PHF14: variants seen among roughly 807,000 people sequenced by gnomAD.
The protein encoded by PHF14 is PHD finger protein 14.
In PHF14, 55 loss-of-function variants were observed where a neutral mutation model predicts 117.9. The observed-to-expected ratio is 0.47, with a 90% confidence interval of 0.38 to 0.58. The LOEUF is 0.58. PHF14 is among the 20% of genes least tolerant of loss of function. The pLI is 0.00. For synonymous variants in PHF14, 409 were observed against 368.6 expected (o/e 1.11, Z -1.26); for missense variants, 978 against 1,122.2 (o/e 0.87, Z 1.84).
At chr7:11,168,168 A>G (rs1433242196) in intron 17 of PHF14, among the ~76,000 whole-genome samples, 1 of 152,216 alleles carries the variant, frequency 6.6e-6, no homozygotes, top group Non-Finnish European at 1.5e-5. Flanking sequence ...AACAGTGGCT[A>G]TCATACTTGG....
intron 13 of PHF14, among the ~76,000 whole-genome samples, chr7:11,048,685 T>A (rs1784755078): frequency 6.6e-6 from 1 of 152,238 alleles, no homozygotes; most frequent in Non-Finnish European, 1.5e-5. Flanking sequence ...GAAACATTTT[T>A]TACATATCTT....
chr7:10,988,447 C>T (rs1486883907), intron 3 of PHF14, among the ~76,000 whole-genome samples: 1 of 151,706 alleles, frequency 6.6e-6, no homozygotes, highest in African/African-American at 2.4e-5. Context: ...ATTTTAATTC[C>T]ACCAGAGAAA....
intron 13 of PHF14, among the ~76,000 whole-genome samples, chr7:11,046,292 A>G (rs1583407916): frequency 6.6e-6 from 1 of 152,174 alleles, no homozygotes; most frequent in South Asian, 2.1e-4. Context: ...ATAGTTAATC[A>G]TCTCTTAATT....
intron 16 of PHF14, among the ~76,000 whole-genome samples, chr7:11,075,437 C>T (rs1018411746): frequency 6.6e-6 from 1 of 151,984 alleles, no homozygotes; most frequent in Non-Finnish European, 1.5e-5. Flanking sequence ...ACAATCATGG[C>T]AGAAGGCAAA....
At chr7:11,167,549 T>C (rs1789236011) in intron 17 of PHF14, among the ~76,000 whole-genome samples, 1 of 152,176 alleles carries the variant, frequency 6.6e-6, no homozygotes, top group African/African-American at 2.4e-5. Flanking sequence ...TGTTAGATGG[T>C]AGGAATGTAT....
At chr7:11,101,620 G>T (rs1041740938) in intron 16 of PHF14, among the ~76,000 whole-genome samples, 3 of 151,636 alleles carry the variant, frequency 2.0e-5, no homozygotes, top group East Asian at 3.9e-4. Context: ...TACTTTCTTT[G>T]GAGGTTATTC....
intron 14 of PHF14, among the ~76,000 whole-genome samples, chr7:11,060,423 A>G (rs929304234): frequency 6.6e-5 from 10 of 152,226 alleles, no homozygotes; most frequent in Non-Finnish European, 1.5e-4. Context: ...AAAGAGATGA[A>G]TGTAGAAATT....
intron 17 of PHF14, among the ~76,000 whole-genome samples, chr7:11,158,548 T>C (rs1202276929): frequency 6.6e-6 from 1 of 152,126 alleles, no homozygotes; most frequent in African/African-American, 2.4e-5. Context: ...TTTAACAAAG[T>C]AGTTTTAAAT....
chr7:11,004,582 T>A (rs892936264), intron 4 of PHF14, among the ~76,000 whole-genome samples: 26 of 152,080 alleles, frequency 1.7e-4, no homozygotes, highest in African/African-American at 6.3e-4. Flanking sequence ...GTTCATGATG[T>A]TGACATATTG....
Position 10,976,096 on chromosome 7 carries a change from G to A in PHF14, c.112+1151G>A, listed in dbSNP as rs1459289957. ...GGCATGAGGTCACTCAGGCAGTAAC[G>A]GATCCAATGGATTTGACTTCAGAAT... On this transcript the variant is annotated intron_variant, in intron 2 of 17. Coordinates refer to ENST00000634607, the MANE Select transcript of PHF14 (RefSeq NM_001007157.2). Among the ~76,000 whole-genome samples, 2 of 152,130 alleles carry A rather than the reference G, an allele frequency of 1.3e-5. 1 individual carries two copies. Among genetic ancestry groups the A allele is most frequent in the African/African-American group, 4.8e-5 (2 of 41,430 alleles).
intron 11 of PHF14, among the ~76,000 whole-genome samples, chr7:11,039,808 G>A (rs1476556150): frequency 6.6e-6 from 1 of 152,164 alleles, no homozygotes. Context: ...GTGAGAATTA[G>A]TAGTCGCCTC....
chr7:11,038,430 CAAA>C (rs958555910), intron 10 of PHF14, among the ~76,000 whole-genome samples: 4 of 50,428 alleles, frequency 7.9e-5, no homozygotes, highest in Admixed American at 2.4e-4. Flanking sequence ...GACTCCATCT[CAAA>C]AAAAAAAAAA....
At chr7:11,121,798 A>G (rs1787762272) in intron 17 of PHF14, among the ~76,000 whole-genome samples, 2 of 152,090 alleles carry the variant, frequency 1.3e-5, no homozygotes, top group South Asian at 4.1e-4. Flanking sequence ...ATGAGATTTC[A>G]TCATGCTCTT....
At chr7:11,167,642 C>G (rs1020759271) in intron 17 of PHF14, among the ~76,000 whole-genome samples, 1 of 152,134 alleles carries the variant, frequency 6.6e-6, no homozygotes, top group East Asian at 1.9e-4. Flanking sequence ...GCCATCCGTA[C>G]CTGCTGATTT....
chr7:11,005,314 A>G (rs968767729), intron 4 of PHF14, among the ~76,000 whole-genome samples: 1 of 152,226 alleles, frequency 6.6e-6, no homozygotes, highest in Non-Finnish European at 1.5e-5. Flanking sequence ...GGAAGCATTT[A>G]CTGTGTAAAG....
At chr7:11,140,048 G>T (rs1281496958) in intron 17 of PHF14, among the ~76,000 whole-genome samples, 1 of 152,014 alleles carries the variant, frequency 6.6e-6, no homozygotes, top group African/African-American at 2.4e-5. Flanking sequence ...CACCTTACAC[G>T]TTCCTACACA....
rs1290781803 is a variant in PHF14 at position 11,130,604 on chromosome 7, T to A, written c.2772+19137T>A. Among the ~76,000 whole-genome samples, 1 of 152,016 alleles carries A rather than the reference T, an allele frequency of 6.6e-6. No homozygotes were observed. Among genetic ancestry groups the A allele is most frequent in the East Asian group, 1.9e-4 (1 of 5,198 alleles). ...CTCATCCCTTCCTCCTTCCCCTAGT[T>A]TCCTCTGTTACCATCTTGCATTCAT... is the stretch of plus-strand genomic sequence containing the variant. On this transcript the variant is annotated intron_variant, in intron 17 of 17. Coordinates refer to ENST00000634607, the MANE Select transcript of PHF14 (RefSeq NM_001007157.2). The surrounding 1 kb of genome is among the most constrained non-coding windows in gnomAD (Gnocchi z 4.2).
intron 17 of PHF14, among the ~76,000 whole-genome samples, chr7:11,159,247 TC>T (rs1788953423): frequency 6.6e-6 from 1 of 152,028 alleles, no homozygotes; most frequent in Admixed American, 6.6e-5. Context: ...TTATATAAAT[TC>T]TATTTGTTTT....
chr7:11,042,848 T>A, intron 13 of PHF14, 34 bp downstream of exon 13: 1 of 1,439,936 alleles, frequency 6.9e-7, no homozygotes, highest in Non-Finnish European at 9.5e-7. Context: ...GATGTTTGAA[T>A]TGATTTACTC....
Sources: allele counts gnomAD v4.1 joint callset (sites outside exome capture counted in the v4.1 genomes callset), GRCh38; gene constraint gnomAD v4.1.1; non-coding constraint Gnocchi (gnomAD v3.1); transcripts MANE v1.5; gene names NCBI Gene and HGNC (gene_info 2026-07-23, HGNC 2026-07-21).